P3H2: variants seen among roughly 807,000 people sequenced by gnomAD.
P3H2 encodes prolyl 3-hydroxylase 2.
A neutral mutation model predicts 87.0 loss-of-function variants in P3H2; 80 were observed. That is an observed-to-expected ratio of 0.92 (90% confidence interval 0.77 to 1.11). The LOEUF (loss-of-function observed/expected upper bound fraction) is 1.11, where lower values mean the gene tolerates loss of function less well. Among genes scored for constraint, P3H2 ranks in the 50% least tolerant of loss-of-function variants. The pLI is 0.00. For missense variants in P3H2, 1,001 were observed against 923.9 expected, an observed-to-expected ratio of 1.08 and a Z score of -1.08; for synonymous variants, 367 against 359.3, an observed-to-expected ratio of 1.02 and a Z score of -0.24.
chr3:190,041,020 CTATATATATA>C lies in P3H2; in HGVS notation c.481-45588_481-45579del, dbSNP rs71635315. On this transcript the variant is annotated intron_variant, in intron 1 of 14. Coordinates refer to ENST00000319332, the MANE Select transcript of P3H2 (RefSeq NM_018192.4). The stretch of plus-strand genomic sequence containing the variant: ...GCAACATGGCAAAACCATGGCTCTA[CTATATATATA>C]TATATATACACACACACACACACAC... 1.4e-3 allele frequency among the ~76,000 whole-genome samples: 72 copies of C among 52,694 alleles called. 11 individuals are homozygous for C. The East Asian group carries it at 0.043, about 31-fold the overall frequency. 34.6% of individuals were successfully genotyped at this position (52,694 alleles called of 152,430 possible). A position where few individuals can be genotyped will look rare whatever the true frequency, so the allele number is the denominator to read the frequency against.
intron 1 of P3H2, among the ~76,000 whole-genome samples, chr3:190,103,732 T>C (rs1711723438): frequency 1.3e-5 from 2 of 152,122 alleles, no homozygotes; most frequent in African/African-American, 2.4e-5. Context: ...CGACTTATGG[T>C]TAATTTAGTA....
At position 189,978,471 on chromosome 3, in the gene P3H2, C is replaced by T. The variant is rs2108912805; in HGVS notation, c.1325-3786G>A. 1.3e-5 allele frequency among the ~76,000 whole-genome samples: 2 copies of T among 152,290 alleles called. 1 individual carries two copies. Among genetic ancestry groups the T allele is most frequent in the South Asian group, 4.1e-4 (2 of 4,830 alleles). On this transcript the variant is annotated intron_variant, in intron 8 of 14. Transcript: ENST00000319332. ...GAAGGCTACTGGGATATTGACAATTCTCCTAGCATTCCACAAGTAACATGC... is the reference window on the plus strand; with the variant it reads ...GAAGGCTACTGGGATATTGACAATTTTCCTAGCATTCCACAAGTAACATGC...
intron 14 of P3H2, among the ~76,000 whole-genome samples, chr3:189,959,045 C>T (rs1413355473): frequency 6.6e-6 from 1 of 151,928 alleles, no homozygotes; most frequent in South Asian, 2.1e-4. Context: ...TAATTACTGC[C>T]GCAGCCTCCA....
At chr3:190,049,431 A>G (rs1282256268) in intron 1 of P3H2, among the ~76,000 whole-genome samples, 1 of 151,862 alleles carries the variant, frequency 6.6e-6, no homozygotes, top group Admixed American at 6.5e-5. Flanking sequence ...CAGGGGAGGG[A>G]AAGGGAAAAA....
chr3:190,003,309 G>C (rs1489576608), intron 1 of P3H2, among the ~76,000 whole-genome samples: 1 of 152,100 alleles, frequency 6.6e-6, no homozygotes, highest in Admixed American at 6.5e-5. Context: ...ATGGTGAATA[G>C]CCATGGCCAA....
intron 1 of P3H2, among the ~76,000 whole-genome samples, chr3:189,998,894 C>T (rs1724128763): frequency 6.6e-6 from 1 of 152,086 alleles, no homozygotes; most frequent in Non-Finnish European, 1.5e-5. Context: ...ATAAGGAGCA[C>T]ACAACCTAGA....
chr3:190,064,448 C>T (rs771225193), intron 1 of P3H2, among the ~76,000 whole-genome samples: 11 of 152,134 alleles, frequency 7.2e-5, no homozygotes, highest in African/African-American at 2.4e-4. Context: ...AATCTCATCA[C>T]GGTATGACTC....
At chr3:190,026,506 C>T (rs1236238078) in intron 1 of P3H2, among the ~76,000 whole-genome samples, 1 of 152,182 alleles carries the variant, frequency 6.6e-6, no homozygotes, top group African/African-American at 2.4e-5. Context: ...ACACTCCCAC[C>T]AGTGCTAGGA....
At chr3:190,098,072 AT>A (rs1335359909) in intron 1 of P3H2, among the ~76,000 whole-genome samples, 1 of 152,238 alleles carries the variant, frequency 6.6e-6, no homozygotes, top group Admixed American at 6.5e-5. Flanking sequence ...GGTAAAAGTA[AT>A]TTTTTAAAAA....
At chr3:190,119,127 G>A (rs1200006734) in intron 1 of P3H2, among the ~76,000 whole-genome samples, 1 of 92,470 alleles carries the variant, frequency 1.1e-5, no homozygotes, top group Non-Finnish European at 2.1e-5. Context: ...AAAAGGAAGA[G>A]AGGAGAGGAG....
At chr3:190,003,653 T>TA (rs966727778) in intron 1 of P3H2, among the ~76,000 whole-genome samples, 13 of 152,178 alleles carry the variant, frequency 8.5e-5, no homozygotes, top group South Asian at 4.1e-4. Context: ...CACATTATCT[T>TA]AGTGATGGAA....
intron 13 of P3H2, among the ~76,000 whole-genome samples, chr3:189,966,383 A>G (rs185957624): frequency 5.9e-4 from 90 of 152,316 alleles, no homozygotes; most frequent in African/African-American, 2.1e-3. Flanking sequence ...TTTCTTCTGG[A>G]ATTGAAAGTA....
chr3:189,993,048 C>T (rs113439358), intron 3 of P3H2, among the ~76,000 whole-genome samples: 29 of 152,140 alleles, frequency 1.9e-4, no homozygotes, highest in African/African-American at 6.5e-4. Context: ...TTCTGCTGGG[C>T]GTGCTGGCTC....
At chr3:190,024,908 C>G (rs1488101153) in intron 1 of P3H2, among the ~76,000 whole-genome samples, 1 of 152,188 alleles carries the variant, frequency 6.6e-6, no homozygotes, top group African/African-American at 2.4e-5. Flanking sequence ...CACCCTAACA[C>G]TGCCATAAAT....
At chr3:190,062,966 T>C (rs1726379871) in intron 1 of P3H2, among the ~76,000 whole-genome samples, 2 of 152,134 alleles carry the variant, frequency 1.3e-5, no homozygotes, top group African/African-American at 4.8e-5. Context: ...GCAAATTCTA[T>C]TGAATAATTT....
chr3:190,010,885 T>C (rs1195470031), intron 1 of P3H2, among the ~76,000 whole-genome samples: 3 of 152,230 alleles, frequency 2.0e-5, no homozygotes, highest in Non-Finnish European at 2.9e-5. Context: ...CCTCCCAGCA[T>C]GATCAATGAC....
intron 1 of P3H2, among the ~76,000 whole-genome samples, chr3:190,072,922 C>T (rs1441045915): frequency 6.6e-6 from 1 of 152,086 alleles, no homozygotes; most frequent in Admixed American, 6.5e-5. Flanking sequence ...AATTATCTAC[C>T]ATGAACATAA....
chr3:190,073,035 T>G (rs781100988), intron 1 of P3H2, among the ~76,000 whole-genome samples: 55 of 152,216 alleles, frequency 3.6e-4, no homozygotes, highest in Non-Finnish European at 5.9e-4. Context: ...TCATATCACT[T>G]TAAAAATCAC....
chr3:189,971,018 T>TA (rs1246742200), intron 12 of P3H2, 127 bp from the exon 13 acceptor site: 1 of 641,130 alleles, frequency 1.6e-6, no homozygotes, highest in Non-Finnish European at 2.9e-6. Flanking sequence ...TAGACATTGA[T>TA]ATAATTGGTC....
Sources: gnomAD v4.1 joint callset for allele counts (sites outside exome capture counted in the v4.1 genomes callset) on GRCh38, gnomAD v4.1.1 for gene constraint, MANE v1.5 for transcripts, NCBI Gene and HGNC (gene_info 2026-07-23, HGNC 2026-07-21) for gene names.